WDR41: variants seen among roughly 807,000 people sequenced by gnomAD.
The protein encoded by WDR41 is WD repeat-containing protein 41.
Under a neutral mutation model 69.3 loss-of-function variants are expected in WDR41, and 63 were observed. That is an observed-to-expected ratio of 0.91 (90% CI 0.74 to 1.12). The LOEUF is 1.12. Among genes scored for constraint, WDR41 ranks in the 50% most tolerant of loss-of-function variants. The pLI, the probability that WDR41 is intolerant of heterozygous loss-of-function variation, is 0.00. For missense variants in WDR41, 543 were observed against 534.5 expected (o/e 1.02, Z -0.16); for synonymous variants, 185 against 192.1 (o/e 0.96, Z 0.31).
chr5:77,441,806 A>G (rs757648829), intron 8 of WDR41, among the ~76,000 whole-genome samples: 1 of 152,146 alleles, frequency 6.6e-6, no homozygotes, highest in Non-Finnish European at 1.5e-5. Flanking sequence ...AACTTGGATG[A>G]CAAAACAGGT....
At chr5:77,514,081 G>GT in intron 1 of WDR41, among the ~76,000 whole-genome samples, 1 of 152,160 alleles carries the variant, frequency 6.6e-6, no homozygotes, top group African/African-American at 2.4e-5. Context: ...TCTTTAAAAT[G>GT]TTTTTCATAC....
intron 1 of WDR41, among the ~76,000 whole-genome samples, chr5:77,508,746 G>T (rs569924125): frequency 6.6e-6 from 1 of 152,096 alleles, no homozygotes; most frequent in South Asian, 2.1e-4. Context: ...TTTTGTTGTT[G>T]TTTGCTTGTG....
upstream of WDR41, among the ~76,000 whole-genome samples, chr5:77,494,371 C>CAA (rs140701135): frequency 2.7e-3 from 402 of 149,286 alleles, no homozygotes; most frequent in Middle Eastern, 0.01. Context: ...GGCAGATTGA[C>CAA]AAAAAAAAAC....
At chr5:77,458,056 G>A (rs747247852) in intron 5 of WDR41, among the ~76,000 whole-genome samples, 2 of 151,842 alleles carry the variant, frequency 1.3e-5, no homozygotes, top group East Asian at 1.9e-4. Flanking sequence ...GAAACTTAAC[G>A]ACCTTAGTTT....
Position 77,453,843 on chromosome 5 carries a change from C to G in WDR41, c.497G>C (p.Cys166Ser). The G allele has an allele frequency of 6.2e-7, 1 of 1,613,994 alleles. No homozygotes were observed. Among genetic ancestry groups the G allele is most frequent in the Non-Finnish European group, 8.5e-7 (1 of 1,179,952 alleles). The change falls in exon 6 of 13, where the codon TGT becomes TCT. Residue 166 changes from cysteine (C) to serine (S), a missense_variant. Coordinates refer to ENST00000296679, the MANE Select transcript of WDR41 (RefSeq NM_018268.4). ...TGTATCAGAAAGGTGGCTAGTCTTA[C>G]ACAGGAGATCTAATTTTCGGTTCCA... ...CVWNRKLDLL[C>S]KTSHLSDTGI...
At chr5:77,586,877 C>A (rs1250810465) in intron 1 of WDR41, among the ~76,000 whole-genome samples, 3 of 150,076 alleles carry the variant, frequency 2.0e-5, no homozygotes, top group African/African-American at 4.9e-5. Context: ...TGCCAGTACG[C>A]CTGGCTAATT....
intron 1 of WDR41, among the ~76,000 whole-genome samples, chr5:77,514,857 T>A (rs1206854677): frequency 6.6e-6 from 1 of 152,126 alleles, no homozygotes; most frequent in Non-Finnish European, 1.5e-5. Flanking sequence ...ATAGAAAAGG[T>A]ACAGTAAAGA....
chr5:77,530,666 T>G (rs1802514369), intron 1 of WDR41, among the ~76,000 whole-genome samples: 1 of 151,692 alleles, frequency 6.6e-6, no homozygotes, highest in Non-Finnish European at 1.5e-5. Flanking sequence ...GATATAGGTT[T>G]GGGATATATG....
intron 2 of WDR41, among the ~76,000 whole-genome samples, chr5:77,472,841 C>T (rs1278690309): frequency 6.6e-6 from 1 of 152,030 alleles, no homozygotes; most frequent in Non-Finnish European, 1.5e-5. Flanking sequence ...AATGGCCATA[C>T]TGCCCAAGGT....
chr5:77,501,851 C>T (rs1304935820), intron 1 of WDR41, among the ~76,000 whole-genome samples: 1 of 146,932 alleles, frequency 6.8e-6, no homozygotes, highest in African/African-American at 2.5e-5. Flanking sequence ...TCAAAAAGGA[C>T]ATCTACACCC....
chr5:77,498,720 G>T (rs1302409067), intron 1 of WDR41, among the ~76,000 whole-genome samples: 1 of 151,530 alleles, frequency 6.6e-6, no homozygotes, highest in Non-Finnish European at 1.5e-5. Context: ...TCAGGAGGCT[G>T]AGGCAAGAGG....
chr5:77,489,365 G>T, intron 2 of WDR41, 92 bp downstream of exon 2: 1 of 679,858 alleles, frequency 1.5e-6, no homozygotes, highest in Non-Finnish European at 2.3e-6. Flanking sequence ...TAAATTTTTA[G>T]AAAAGATGTA....
Position 77,457,019 on chromosome 5 carries a change from A to C in WDR41, c.411+2043T>G, listed in dbSNP as rs1561740708. ...ACACCCAGCCTAGCCTTTCACCATTAATACGAAATTAGCCTTGAGATTTTC... is the reference window on the plus strand; with the variant it reads ...ACACCCAGCCTAGCCTTTCACCATTCATACGAAATTAGCCTTGAGATTTTC... On this transcript the variant is annotated intron_variant, in intron 5 of 12. Coordinates refer to ENST00000296679, the MANE Select transcript of WDR41 (RefSeq NM_018268.4). 4.6e-5 allele frequency among the ~76,000 whole-genome samples: 7 copies of C among 152,236 alleles called. No individual in the cohort carries two copies. In the South Asian group the frequency reaches 1.2e-3, roughly 27 times the overall value.
chr5:77,437,505 G>T, intron 10 of WDR41, 81 bp from the exon 11 acceptor site: 1 of 1,218,484 alleles, frequency 8.2e-7, no homozygotes, highest in Non-Finnish European at 1.2e-6. Flanking sequence ...AGAAATCAGT[G>T]GAGCCCTCAA....
intron 4 of WDR41, among the ~76,000 whole-genome samples, chr5:77,461,151 A>G (rs2061914): frequency 0.073 from 11,151 of 151,880 alleles, 575 homozygotes; most frequent in Non-Finnish European, 0.1. Flanking sequence ...CTATTTTTGC[A>G]AAGATTACAC....
At chr5:77,534,120 A>G (rs1742919558) in intron 1 of WDR41, among the ~76,000 whole-genome samples, 1 of 152,234 alleles carries the variant, frequency 6.6e-6, no homozygotes, top group South Asian at 2.1e-4. Flanking sequence ...CCCCAAGAAT[A>G]CAAGTTTAAA....
At chr5:77,535,717 A>G (rs1400382325) in intron 1 of WDR41, among the ~76,000 whole-genome samples, 3 of 152,192 alleles carry the variant, frequency 2.0e-5, no homozygotes, top group Admixed American at 6.5e-5. Context: ...AGTCTTTCCC[A>G]GTCACCAGTA....
chr5:77,466,075 C>G (rs1351287182), intron 2 of WDR41, among the ~76,000 whole-genome samples: 2 of 151,914 alleles, frequency 1.3e-5, no homozygotes, highest in African/African-American at 4.8e-5. Context: ...TACAGTCTGA[C>G]AGTCTTTTAA....
intron 1 of WDR41, among the ~76,000 whole-genome samples, chr5:77,585,217 A>T (rs1375609577): frequency 6.6e-6 from 1 of 152,254 alleles, no homozygotes; most frequent in African/African-American, 2.4e-5. Context: ...GAAACATATT[A>T]AAAAATGCTT....
Sources: gnomAD v4.1 joint callset for allele counts (sites outside exome capture counted in the v4.1 genomes callset) on GRCh38, gnomAD v4.1.1 for gene constraint, MANE v1.5 for transcripts, NCBI Gene and HGNC (gene_info 2026-07-23, HGNC 2026-07-21) for gene names.